The following CDH4 variants were observed in gnomAD, a reference collection of about 807,000 sequenced individuals.
The protein encoded by CDH4 is cadherin 4.
Under a neutral mutation model 86.0 loss-of-function variants are expected in CDH4, and 33 were observed. That is an observed-to-expected ratio of 0.38 (90% CI 0.29 to 0.51). The LOEUF (loss-of-function observed/expected upper bound fraction) is 0.51. Among genes scored for constraint, CDH4 ranks in the 20% least tolerant of loss-of-function variants. The pLI is 0.86. For synonymous variants in CDH4, 555 were observed against 549.4 expected (o/e 1.01, Z -0.14); for missense variants, 1,114 against 1,307.4 (o/e 0.85, Z 2.28).
At chr20:61,872,559 T>C (rs1983853862) in intron 6 of CDH4, among the ~76,000 whole-genome samples, 1 of 152,154 alleles carries the variant, frequency 6.6e-6, no homozygotes, top group Admixed American at 6.5e-5. Context: ...ACTGCACAGG[T>C]AGAGGTTGCA....
chr20:61,922,706 C>T (rs932459371), intron 9 of CDH4, among the ~76,000 whole-genome samples: 7 of 152,208 alleles, frequency 4.6e-5, no homozygotes, highest in South Asian at 2.1e-4. Flanking sequence ...GCACCTCTGT[C>T]GCCACATGGC....
At chr20:61,331,671 C>CCTGCCCCCGCCGACTGCCCCAGGTCT (rs1336958033) in intron 2 of CDH4, among the ~76,000 whole-genome samples, 1 of 145,266 alleles carries the variant, frequency 6.9e-6, no homozygotes, top group Non-Finnish European at 1.5e-5. Flanking sequence ...GCCCCAGGCT[C>CCTGCCCCCGCCGACTGCCCCAGGTCT]ACCTCCTGCC....
intron 7 of CDH4, among the ~76,000 whole-genome samples, chr20:61,881,722 G>C (rs952330199): frequency 6.6e-6 from 1 of 152,214 alleles, no homozygotes; most frequent in South Asian, 2.1e-4. Context: ...GTCACAGCCG[G>C]AAGTCCAGGT....
intron 2 of CDH4, among the ~76,000 whole-genome samples, chr20:61,733,042 G>A (rs2088213433): frequency 6.7e-6 from 1 of 148,520 alleles, no homozygotes; most frequent in Middle Eastern, 3.4e-3. Context: ...TCTGGGCTGT[G>A]TGGGGGCAGC....
At chr20:61,519,896 A>C (rs2085856400) in intron 2 of CDH4, among the ~76,000 whole-genome samples, 1 of 152,164 alleles carries the variant, frequency 6.6e-6, no homozygotes, top group Admixed American at 6.5e-5. Flanking sequence ...CACCTGAGAC[A>C]TGACTGCCTC....
chr20:61,725,401 G>A (rs1440642065), intron 2 of CDH4, among the ~76,000 whole-genome samples: 2 of 152,164 alleles, frequency 1.3e-5, no homozygotes, highest in Admixed American at 1.3e-4. Flanking sequence ...CTCTCTGCCT[G>A]GAGTTTCTTC....
At chr20:61,568,569 C>G (rs2086317695) in intron 2 of CDH4, among the ~76,000 whole-genome samples, 1 of 152,222 alleles carries the variant, frequency 6.6e-6, no homozygotes, top group African/African-American at 2.4e-5. Flanking sequence ...TTGATGATGT[C>G]TGGAGGATAC....
At chr20:61,804,581 C>A (rs1350743234) in intron 4 of CDH4, among the ~76,000 whole-genome samples, 1 of 152,218 alleles carries the variant, frequency 6.6e-6, no homozygotes, top group Non-Finnish European at 1.5e-5. Flanking sequence ...CATATGGGTT[C>A]CCCTCTGAGC....
intron 2 of CDH4, among the ~76,000 whole-genome samples, chr20:61,654,018 A>G (rs62197793): frequency 1.3e-5 from 2 of 150,460 alleles, no homozygotes; most frequent in Non-Finnish European, 3.0e-5. Context: ...CTTCCCAGAC[A>G]GGGTGGCGGC....
At chr20:61,786,225 C>A (rs894331599) in intron 4 of CDH4, among the ~76,000 whole-genome samples, 11 of 152,140 alleles carry the variant, frequency 7.2e-5, no homozygotes, top group African/African-American at 2.7e-4. Flanking sequence ...ATCACCTACA[C>A]TTCAGGGCCC....
chr20:61,435,211 T>G (rs2085273945), intron 2 of CDH4, among the ~76,000 whole-genome samples: 1 of 152,242 alleles, frequency 6.6e-6, no homozygotes, highest in African/African-American at 2.4e-5. Context: ...GACTGCGCCA[T>G]GCTGTCTCTG....
chr20:61,499,248 AG>A (rs1417556137), intron 2 of CDH4, among the ~76,000 whole-genome samples: 3 of 152,210 alleles, frequency 2.0e-5, no homozygotes, highest in Non-Finnish European at 4.4e-5. Context: ...CCTCAGCGTC[AG>A]GCAGTCAGGA....
At chr20:61,579,048 C>G (rs568157376) in intron 2 of CDH4, among the ~76,000 whole-genome samples, 47 of 152,246 alleles carry the variant, frequency 3.1e-4, no homozygotes, top group African/African-American at 1.1e-3. Flanking sequence ...ATCCTCAGTC[C>G]TGCGGGGCCA....
intron 2 of CDH4, among the ~76,000 whole-genome samples, chr20:61,428,814 G>A (rs182517389): frequency 3.9e-5 from 6 of 152,260 alleles, no homozygotes; most frequent in African/African-American, 9.6e-5. Flanking sequence ...TAACTAAGTC[G>A]ATGGGGAGAG....
At chr20:61,569,872 C>T (rs2086329182) in intron 2 of CDH4, among the ~76,000 whole-genome samples, 1 of 152,190 alleles carries the variant, frequency 6.6e-6, no homozygotes, top group South Asian at 2.1e-4. Flanking sequence ...TTAGGCGCGG[C>T]TGATGTTTCT....
At chr20:61,892,005 T>C (rs1263090494) in intron 7 of CDH4, among the ~76,000 whole-genome samples, 1 of 152,232 alleles carries the variant, frequency 6.6e-6, no homozygotes, top group Non-Finnish European at 1.5e-5. Context: ...ATTTTAGGTT[T>C]TGTGGGGCAT....
intron 4 of CDH4, among the ~76,000 whole-genome samples, chr20:61,823,980 G>A (rs981719129): frequency 2.0e-5 from 3 of 152,208 alleles, no homozygotes; most frequent in Non-Finnish European, 4.4e-5. Context: ...GTAAGGAACT[G>A]TTGGAGAAAG....
At chr20:61,882,722 G>A (rs977279272) in intron 7 of CDH4, among the ~76,000 whole-genome samples, 2 of 152,186 alleles carry the variant, frequency 1.3e-5, no homozygotes, top group African/African-American at 4.8e-5. Flanking sequence ...AAGACAAAAA[G>A]GCCCGTGCGT....
chr20:61,697,352 C>A (rs2145880150), intron 2 of CDH4, among the ~76,000 whole-genome samples: 1 of 152,284 alleles, frequency 6.6e-6, no homozygotes, highest in Non-Finnish European at 1.5e-5. Flanking sequence ...GTAATACCAG[C>A]ACTTTGGGAG....
Sources: gnomAD v4.1 joint callset for allele counts (sites outside exome capture counted in the v4.1 genomes callset) on GRCh38, gnomAD v4.1.1 for gene constraint, MANE v1.5 for transcripts, NCBI Gene and HGNC (gene_info 2026-07-23, HGNC 2026-07-21) for gene names.